Variants in UNC13C observed in about 807,000 individuals in gnomAD.
UNC13C encodes the protein protein unc-13 homolog C.
Under a neutral mutation model 245.4 loss-of-function variants are expected in UNC13C, and 174 were observed. The ratio of observed to expected loss-of-function variants is 0.71; its 90% CI spans 0.63 to 0.80. The LOEUF is 0.80. Among genes scored for constraint, UNC13C ranks in the 30% least tolerant of loss-of-function variants. The pLI, the probability that UNC13C is intolerant of heterozygous loss-of-function variation, is 0.00. For missense variants in UNC13C, 2,829 were observed against 2,602.9 expected, an observed-to-expected ratio of 1.09 and a Z score of -1.89; for synonymous variants, 992 against 895.1, an observed-to-expected ratio of 1.11 and a Z score of -1.93.
intron 1 of UNC13C, among the ~76,000 whole-genome samples, chr15:53,983,185 A>G (rs570701973): frequency 3.3e-5 from 5 of 152,138 alleles, no homozygotes; most frequent in African/African-American, 1.2e-4. Context: ...TAGCATTAGG[A>G]TACTTAGCTG....
chr15:54,167,778 A>G (rs1304523085), intron 4 of UNC13C, among the ~76,000 whole-genome samples: 2 of 152,054 alleles, frequency 1.3e-5, no homozygotes, highest in Non-Finnish European at 2.9e-5. Context: ...CTACAACTCC[A>G]TTAAAAAAGT....
At chr15:54,409,375 T>G (rs1241751071) in intron 18 of UNC13C, among the ~76,000 whole-genome samples, 1 of 152,190 alleles carries the variant, frequency 6.6e-6, no homozygotes, top group African/African-American at 2.4e-5. Context: ...TTTTGCTTTT[T>G]CTTTCCAACT....
At chr15:54,361,386 G>T (rs1012537033) in intron 17 of UNC13C, among the ~76,000 whole-genome samples, 1 of 151,858 alleles carries the variant, frequency 6.6e-6, no homozygotes, top group African/African-American at 2.4e-5. Context: ...TTTATTATTA[G>T]ATTATTTTCC....
At chr15:54,331,968 A>G (rs920603161) in intron 14 of UNC13C, 75 bp from the exon 15 acceptor site, 2 of 949,988 alleles carry the variant, frequency 2.1e-6, no homozygotes, top group African/African-American at 1.7e-5. Flanking sequence ...AATAGAGACA[A>G]AACTCAGAAT....
Position 54,345,155 on chromosome 15 carries a change from G to A in UNC13C, c.4713+6666G>A, listed in dbSNP as rs542872751. 2.6e-5 allele frequency among the ~76,000 whole-genome samples: 4 copies of A among 152,312 alleles called. No individual in the cohort carries two copies. The South Asian group carries it at 6.2e-4, about 24-fold the overall frequency. On this transcript the variant is annotated intron_variant, in intron 17 of 32. Transcript: ENST00000260323. Reference sequence around the variant, plus strand: ...AGCCAATGAAGAGTTGATGTGCAGGGAAGTAATGTGAGCAATGCTTTACCC... The same window carrying A: ...AGCCAATGAAGAGTTGATGTGCAGGAAAGTAATGTGAGCAATGCTTTACCC...
At chr15:54,417,954 T>C (rs1310605947) in intron 19 of UNC13C, among the ~76,000 whole-genome samples, 1 of 152,154 alleles carries the variant, frequency 6.6e-6, no homozygotes, top group Non-Finnish European at 1.5e-5. Flanking sequence ...AGACGGAGTC[T>C]AGCTCTGTCA....
At position 54,250,424 on chromosome 15, in the gene UNC13C, T is replaced by C; in HGVS notation, c.3428T>C (p.Leu1143Pro). 1 of 1,611,342 alleles carries C rather than the reference T, an allele frequency of 6.2e-7. No individual in the cohort carries two copies. The highest frequency in any genetic ancestry group is 1.7e-4 in the Middle Eastern group (1 of 6,022). ...VKCHEKCQDL[L>P]NADCLQRAAE... ...TGCCACGAAAAGTGTCAGGACCTGC[T>C]AAACGCTGACTGCTTGCAGAGTGAG... Residue 1143 changes from leucine (L) to proline (P), a missense_variant, in exon 8 of 33, where the codon CTA becomes CCA. Physicochemically the swap from Leu to Pro is moderately conservative, Grantham distance 98. Coordinates refer to ENST00000260323, the MANE Select transcript of UNC13C (RefSeq NM_001080534.3).
chr15:54,168,928 T>C (rs76261650), intron 4 of UNC13C, among the ~76,000 whole-genome samples: 8,757 of 152,242 alleles, frequency 0.058, 307 homozygotes, highest in East Asian at 0.1. Flanking sequence ...TAAAAGTGAT[T>C]AATAAAATGG....
chr15:54,279,218 CA>C (rs1367757099), intron 10 of UNC13C, among the ~76,000 whole-genome samples: 2 of 152,116 alleles, frequency 1.3e-5, no homozygotes, highest in Admixed American at 1.3e-4. Flanking sequence ...TCACATCTAG[CA>C]AAAGAGCCCA....
At chr15:54,184,117 T>G (rs1008898316) in intron 4 of UNC13C, among the ~76,000 whole-genome samples, 3 of 152,078 alleles carry the variant, frequency 2.0e-5, no homozygotes, top group Non-Finnish European at 4.4e-5. Flanking sequence ...TTTAGTATGT[T>G]TTTAGATTGG....
chr15:53,883,017 A>G, the UNC13C span, among the ~76,000 whole-genome samples: 1 of 152,164 alleles, frequency 6.6e-6, no homozygotes, highest in Non-Finnish European at 1.5e-5. Context: ...TTTATGTAAC[A>G]AACCTGCACA....
upstream of UNC13C, among the ~76,000 whole-genome samples, chr15:53,975,311 T>C (rs977179593): frequency 2.6e-5 from 4 of 152,236 alleles, no homozygotes; most frequent in Non-Finnish European, 5.9e-5. Flanking sequence ...TATTTACTTA[T>C]ATAGAGCTAG....
chr15:54,267,740 G>A (rs948956350), intron 10 of UNC13C, among the ~76,000 whole-genome samples: 6 of 151,898 alleles, frequency 4.0e-5, no homozygotes, highest in Admixed American at 3.3e-4. Context: ...TTCACATGGT[G>A]TAATATTCTT....
the UNC13C span, among the ~76,000 whole-genome samples, chr15:53,902,249 TC>T: frequency 6.6e-6 from 1 of 152,270 alleles, no homozygotes; most frequent in East Asian, 1.9e-4. Flanking sequence ...TCCTCTATGA[TC>T]CTTTAATACT....
At chr15:54,514,999 C>T (rs113941927) in intron 24 of UNC13C, among the ~76,000 whole-genome samples, 1,989 of 152,234 alleles carry the variant, frequency 0.013, 48 homozygotes, top group African/African-American at 0.046. Flanking sequence ...TTCTTCTCCT[C>T]TAAAGTGATT....
At chr15:54,511,947 A>G in intron 24 of UNC13C, 117 bp downstream of exon 24, 1 of 708,706 alleles carries the variant, frequency 1.4e-6, no homozygotes, top group Non-Finnish European at 2.5e-6. Flanking sequence ...AGAACAGGAA[A>G]TGATAATAAT....
intron 4 of UNC13C, among the ~76,000 whole-genome samples, chr15:54,163,781 GA>G (rs1318463729): frequency 6.6e-6 from 1 of 152,086 alleles, no homozygotes; most frequent in East Asian, 1.9e-4. Flanking sequence ...ATGAGTTGAA[GA>G]ATAATTTTGG....
intron 2 of UNC13C, among the ~76,000 whole-genome samples, chr15:54,093,208 A>T (rs919213060): frequency 6.6e-6 from 1 of 152,024 alleles, no homozygotes; most frequent in Admixed American, 6.6e-5. Flanking sequence ...AAAAAAAGCC[A>T]AAATCAATCT....
intron 19 of UNC13C, among the ~76,000 whole-genome samples, chr15:54,451,327 A>G (rs539657280): frequency 5.9e-4 from 90 of 152,072 alleles, no homozygotes; most frequent in Non-Finnish European, 9.7e-4. Flanking sequence ...TATAACATCT[A>G]TGTAAGGGAT....
Sources: allele counts gnomAD v4.1 joint callset (sites outside exome capture counted in the v4.1 genomes callset), GRCh38; gene constraint gnomAD v4.1.1; transcripts MANE v1.5; gene names NCBI Gene and HGNC (gene_info 2026-07-23, HGNC 2026-07-21).